SNRPN: variants seen among roughly 807,000 people sequenced by gnomAD.
SNRPN encodes small nuclear ribonucleoprotein polypeptide N, also known as small nuclear ribonucleoprotein-associated protein N.
In SNRPN, 7 loss-of-function variants were observed where a neutral mutation model predicts 25.2. The observed-to-expected ratio is 0.28, with a 90% CI of 0.16 to 0.52. The LOEUF (loss-of-function observed/expected upper bound fraction) is 0.52, where lower values mean the gene tolerates loss of function less well. Among genes scored for constraint, SNRPN ranks in the 20% least tolerant of loss-of-function variants. The pLI is 0.96. For missense variants in SNRPN, 196 were observed against 322.5 expected, an observed-to-expected ratio of 0.61 and a Z score of 3.00; for synonymous variants, 124 against 110.6, an observed-to-expected ratio of 1.12 and a Z score of -0.76.
intron 1 of SNRPN, among the ~76,000 whole-genome samples, chr15:24,961,306 A>T (rs2153470542): frequency 6.6e-6 from 1 of 152,370 alleles, no homozygotes; most frequent in Non-Finnish European, 1.5e-5. Flanking sequence ...AACATGACTT[A>T]AAAACATCTA....
intron 8 of SNRPN, 44 bp downstream of exon 8, chr15:24,977,960 A>C: frequency 6.7e-7 from 1 of 1,501,876 alleles, no homozygotes; most frequent in African/African-American, 1.4e-5. Flanking sequence ...ATCTCTGATG[A>C]GAGATAGCTT....
Position 24,978,334 on chromosome 15 carries a change from G to C in SNRPN, c.685+16G>C. The C allele has an allele frequency of 6.2e-7, 1 of 1,614,074 alleles. No homozygotes were observed. ...GGCATTAGAGGTGAGTGGGAGCATA[G>C]GGGTTTGATGGTTCAGCCAGGCCCC... is the stretch of plus-strand genomic sequence containing the variant. On this transcript the variant is annotated intron_variant, in intron 9 of 9. Coordinates refer to ENST00000390687, the MANE Select transcript of SNRPN (RefSeq NM_003097.6).
intron 1 of SNRPN, among the ~76,000 whole-genome samples, chr15:24,871,597 A>G (rs991395991): frequency 6.6e-6 from 1 of 152,022 alleles, no homozygotes; most frequent in Non-Finnish European, 1.5e-5. Context: ...GTCTATTTAT[A>G]CAATTTACCC....
At position 24,978,665 on chromosome 15, in the gene SNRPN, A is replaced by G. The variant is rs2077329272; in HGVS notation, c.*221A>G. ...TGGATGAGGGTGATGCCTATTAAGC[A>G]GTTGATTCAAATCATATTCTCTTTA... On this transcript the variant is annotated 3_prime_UTR_variant, in exon 10 of 10. Coordinates refer to ENST00000390687, the MANE Select transcript of SNRPN (RefSeq NM_003097.6). 1.7e-6 allele frequency: 1 copy of G among 580,852 alleles called. No homozygotes were observed. Among genetic ancestry groups the G allele is most frequent in the South Asian group, 2.3e-5 (1 of 43,558 alleles). 36.0% of individuals were successfully genotyped at this position (580,852 alleles called of 1,614,324 possible).
chr15:24,862,936 A>G (rs2054129038), intron 1 of SNRPN, among the ~76,000 whole-genome samples: 1 of 150,898 alleles, frequency 6.6e-6, no homozygotes, highest in South Asian at 2.1e-4. Flanking sequence ...AGCAGGAAGG[A>G]CAGACCATAA....
intron 1 of SNRPN, among the ~76,000 whole-genome samples, chr15:24,875,557 A>G (rs11161149): frequency 0.63 from 95,191 of 151,944 alleles, 30,462 homozygotes; most frequent in East Asian, 0.93. Flanking sequence ...GCAACAGAAG[A>G]ATATTCAATT....
At chr15:24,924,026 A>G (rs2152686175) in intron 3 of SNRPN, among the ~76,000 whole-genome samples, 1 of 144,086 alleles carries the variant, frequency 6.9e-6, no homozygotes, top group South Asian at 2.2e-4. Flanking sequence ...TTCAGCATGT[A>G]GCTCTGGCTG....
chr15:24,900,921 C>G (rs114347573), intron 2 of SNRPN, among the ~76,000 whole-genome samples: 1,655 of 152,054 alleles, frequency 0.011, 28 homozygotes, highest in African/African-American at 0.038. Flanking sequence ...ATAAAGAGAC[C>G]TTGTATCTAC....
intron 1 of SNRPN, among the ~76,000 whole-genome samples, chr15:24,858,382 T>C (rs1251154555): frequency 1.3e-5 from 2 of 152,136 alleles, no homozygotes; most frequent in Non-Finnish European, 2.9e-5. Flanking sequence ...ATTTTCTCAG[T>C]TATGATTTTT....
At chr15:24,937,297 A>G (rs941772388) in intron 3 of SNRPN, among the ~76,000 whole-genome samples, 3 of 152,128 alleles carry the variant, frequency 2.0e-5, no homozygotes, top group Admixed American at 6.6e-5. Context: ...ATAATTATTG[A>G]CACTTTTTAG....
chr15:24,890,164 C>T (rs1033033347), intron 2 of SNRPN, among the ~76,000 whole-genome samples: 1 of 151,940 alleles, frequency 6.6e-6, no homozygotes, highest in Non-Finnish European at 1.5e-5. Context: ...CTGATTTGCT[C>T]CCACTTTTCT....
At chr15:24,954,833 T>A (rs993396135), upstream of SNRPN, 5 of 642,040 alleles carry the variant, frequency 7.8e-6, no homozygotes, top group African/African-American at 5.5e-5. Context: ...AGGGGTCCAG[T>A]AGCCCCCTCC....
chr15:24,826,222 T>G (rs2050067797), intron 1 of SNRPN, among the ~76,000 whole-genome samples: 1 of 152,100 alleles, frequency 6.6e-6, no homozygotes, highest in African/African-American at 2.4e-5. Context: ...GGAGCTGTCA[T>G]GATTACTGTC....
intron 7 of SNRPN, 118 bp from the exon 8 acceptor site, chr15:24,977,660 G>A: frequency 1.0e-6 from 1 of 996,976 alleles, no homozygotes; most frequent in Non-Finnish European, 1.4e-6. Flanking sequence ...GGAATAATGA[G>A]AGAAGTACAT....
intron 2 of SNRPN, among the ~76,000 whole-genome samples, chr15:24,916,508 C>G (rs1278039904): frequency 6.6e-6 from 1 of 151,872 alleles, no homozygotes; most frequent in Non-Finnish European, 1.5e-5. Context: ...GAGCAGTGAT[C>G]TGCAACACTG....
chr15:24,834,410 A>G (rs2050831516), intron 2 of SNRPN, among the ~76,000 whole-genome samples: 1 of 152,062 alleles, frequency 6.6e-6, no homozygotes, highest in African/African-American at 2.4e-5. Context: ...GAGCCCCAAC[A>G]AAATAAACTG....
chr15:24,962,292 A>G (rs1224961514), intron 2 of SNRPN, 83 bp downstream of exon 2: 1 of 1,088,644 alleles, frequency 9.2e-7, no homozygotes, highest in Non-Finnish European at 1.4e-6. Flanking sequence ...TGAGGGGATT[A>G]AAATGAACAT....
At chr15:24,906,986 A>G (rs760796673) in intron 2 of SNRPN, among the ~76,000 whole-genome samples, 17 of 152,030 alleles carry the variant, frequency 1.1e-4, no homozygotes, top group Non-Finnish European at 1.9e-4. Context: ...AGGATGAAGC[A>G]GTTAGGGGCT....
At chr15:24,847,941 G>T (rs537069723) in intron 2 of SNRPN, among the ~76,000 whole-genome samples, 1 of 152,158 alleles carries the variant, frequency 6.6e-6, no homozygotes, top group South Asian at 2.1e-4. Context: ...CACTCTCCAG[G>T]AGCATTATAG....
Sources: gnomAD v4.1 joint callset for allele counts (sites outside exome capture counted in the v4.1 genomes callset) on GRCh38, gnomAD v4.1.1 for gene constraint, MANE v1.5 for transcripts, NCBI Gene and HGNC (gene_info 2026-07-23, HGNC 2026-07-21) for gene names.